Variants in FGF12 observed in about 807,000 individuals in gnomAD.
FGF12 encodes fibroblast growth factor 12, also known as fibroblast growth factor 12B.
In FGF12, 14 loss-of-function variants were observed where a neutral mutation model predicts 23.6. The observed-to-expected ratio is 0.59, with a 90% confidence interval of 0.39 to 0.93. FGF12 has a LOEUF of 0.93. Ranked by LOEUF, FGF12 falls within the 40% of genes least tolerant of loss-of-function variation. The pLI, the probability that FGF12 is intolerant of heterozygous loss-of-function variation, is 0.00. For synonymous variants in FGF12, 62 were observed against 77.3 expected (o/e 0.80, Z 1.04); for missense variants, 175 against 217.8 (o/e 0.80, Z 1.24).
chr3:192,407,972 G>A lies in FGF12; in HGVS notation c.14-47434C>T. The A allele has an allele frequency of 2.0e-6, 3 of 1,520,450 alleles. No individual in the cohort carries two copies. The East Asian group carries it at 6.9e-5, about 35-fold the overall frequency. 94.2% of individuals were successfully genotyped at this position (1,520,450 alleles called of 1,614,324 possible). ...CGGGGGTCCCGAGGTGCTTTGAGGA[G>A]GGAGAAAGAGGGCGTCCCCTCTGGG... On this transcript the variant is annotated intron_variant, in intron 2 of 5. Coordinates refer to ENST00000445105, the MANE Select transcript of FGF12 (RefSeq NM_004113.6).
At chr3:192,574,428 C>A (rs568863980) in intron 2 of FGF12, among the ~76,000 whole-genome samples, 1 of 152,256 alleles carries the variant, frequency 6.6e-6, no homozygotes, top group Admixed American at 6.5e-5. Context: ...GCTTCTGACC[C>A]TTTACCATAT....
At chr3:192,707,085 T>C (rs1718495589) in intron 2 of FGF12, among the ~76,000 whole-genome samples, 1 of 152,206 alleles carries the variant, frequency 6.6e-6, no homozygotes, top group South Asian at 2.1e-4. Flanking sequence ...CAGTTTCCGC[T>C]TTTGAGTTGA....
At chr3:192,207,033 A>C (rs925550183) in intron 4 of FGF12, among the ~76,000 whole-genome samples, 1 of 152,152 alleles carries the variant, frequency 6.6e-6, no homozygotes, top group African/African-American at 2.4e-5. Flanking sequence ...GAAAGATATT[A>C]TATTGGGAAA....
intron 2 of FGF12, among the ~76,000 whole-genome samples, chr3:192,690,586 C>CAAAAAAAAAAAAAAAA (rs35837229): frequency 1.1e-5 from 1 of 92,118 alleles, no homozygotes; most frequent in Non-Finnish European, 2.2e-5. Context: ...CACAACACTA[C>CAAAAAAAAAAAAAAAA]AAAAAAAAAA....
intron 4 of FGF12, among the ~76,000 whole-genome samples, chr3:192,253,008 A>G (rs1712140425): frequency 6.6e-6 from 1 of 152,168 alleles, no homozygotes; most frequent in South Asian, 2.1e-4. Context: ...TATCCTTGAA[A>G]ATGGATTTAT....
intron 2 of FGF12, among the ~76,000 whole-genome samples, chr3:192,677,589 T>C (rs78499355): frequency 0.074 from 11,203 of 152,272 alleles, 552 homozygotes; most frequent in Non-Finnish European, 0.11. Flanking sequence ...CTCCAAAGAA[T>C]AGAAACTCTA....
chr3:192,432,561 G>C (rs114474480), intron 2 of FGF12, among the ~76,000 whole-genome samples: 1 of 149,986 alleles, frequency 6.7e-6, no homozygotes, highest in Non-Finnish European at 1.5e-5. Flanking sequence ...TGAACCGCCT[G>C]TGGGAAGGGC....
At chr3:192,410,819 T>A (rs1432814977) in intron 2 of FGF12, among the ~76,000 whole-genome samples, 1 of 152,032 alleles carries the variant, frequency 6.6e-6, no homozygotes, top group Admixed American at 6.6e-5. Flanking sequence ...CAATCAGGTC[T>A]CCAGACGTGA....
intron 2 of FGF12, among the ~76,000 whole-genome samples, chr3:192,603,518 A>G (rs1714204744): frequency 2.0e-5 from 3 of 152,130 alleles, no homozygotes; most frequent in Non-Finnish European, 4.4e-5. Context: ...TCTATTTTCC[A>G]TAAGTGTTGG....
At chr3:192,646,525 G>A in intron 2 of FGF12, among the ~76,000 whole-genome samples, 1 of 152,130 alleles carries the variant, frequency 6.6e-6, no homozygotes, top group East Asian at 1.9e-4. Flanking sequence ...AGAGAATACT[G>A]TTTAGGTATG....
intron 2 of FGF12, among the ~76,000 whole-genome samples, chr3:192,558,337 T>A (rs1019625227): frequency 6.6e-6 from 1 of 151,670 alleles, no homozygotes; most frequent in Non-Finnish European, 1.5e-5. Flanking sequence ...TACAATAGCA[T>A]CAAAAATAAT....
intron 2 of FGF12, among the ~76,000 whole-genome samples, chr3:192,561,109 GA>G (rs1008751636): frequency 2.2e-4 from 33 of 152,040 alleles, no homozygotes; most frequent in African/African-American, 7.5e-4. Context: ...ATCTATAAGG[GA>G]AAGGGGAAGC....
At chr3:192,265,776 G>A (rs1713041330) in intron 4 of FGF12, among the ~76,000 whole-genome samples, 1 of 152,012 alleles carries the variant, frequency 6.6e-6, no homozygotes, top group Non-Finnish European at 1.5e-5. Flanking sequence ...AGTGTAAAAA[G>A]CCTACAATAT....
In FGF12 at chr3:192,474,885, C is replaced by CA. The variant is rs769330773; in HGVS notation, c.14-114348dup. 4.2e-3 allele frequency among the ~76,000 whole-genome samples: 268 copies of CA among 64,178 alleles called. 1 individual carries two copies. Among genetic ancestry groups the CA allele is most frequent in the Middle Eastern group, 0.023 (3 of 130 alleles). The allele number at this position is 64,178 out of a possible 152,430, so 42.1% of individuals were successfully genotyped here. A position where few individuals can be genotyped will look rare whatever the true frequency, so the allele number is the denominator to read the frequency against. Reference sequence around the variant, plus strand: ...GGGAAACAAGAGTGAAACTTCATCTCAAAAAAAAAAAAAAAGAAAGAAAGG... The same window carrying CA: ...GGGAAACAAGAGTGAAACTTCATCTCAAAAAAAAAAAAAAAAGAAAGAAAGG... On this transcript the variant is annotated intron_variant, in intron 2 of 5. Transcript: ENST00000445105.
At chr3:192,197,747 C>A (rs1396790685) in intron 4 of FGF12, among the ~76,000 whole-genome samples, 1 of 152,024 alleles carries the variant, frequency 6.6e-6, no homozygotes, top group Non-Finnish European at 1.5e-5. Flanking sequence ...GAGTTTGAGA[C>A]CAGCCTGACC....
At chr3:192,623,225 C>T (rs998834081) in intron 2 of FGF12, among the ~76,000 whole-genome samples, 1 of 152,152 alleles carries the variant, frequency 6.6e-6, no homozygotes, top group Non-Finnish European at 1.5e-5. Flanking sequence ...GAAGTCAGTA[C>T]CAAATGGACT....
At chr3:192,170,340 A>C in intron 5 of FGF12, 118 bp downstream of exon 5, 1 of 756,970 alleles carries the variant, frequency 1.3e-6, no homozygotes, top group Non-Finnish European at 2.2e-6. Context: ...ATTTCTTTTG[A>C]ATCTTTCTTC....
At chr3:192,240,846 AT>A (rs1333737592) in intron 4 of FGF12, among the ~76,000 whole-genome samples, 1 of 152,106 alleles carries the variant, frequency 6.6e-6, no homozygotes, top group Non-Finnish European at 1.5e-5. Context: ...CAAAGCCTCT[AT>A]TTTTTCTTAA....
chr3:192,521,362 A>G (rs1724807652), intron 2 of FGF12: 1 of 152,214 alleles, frequency 6.6e-6, no homozygotes, highest in Non-Finnish European at 1.5e-5. Context: ...GTTGTCTTGA[A>G]TAAACACGAG....
Sources: gnomAD v4.1 joint callset for allele counts (sites outside exome capture counted in the v4.1 genomes callset) on GRCh38, gnomAD v4.1.1 for gene constraint, MANE v1.5 for transcripts, NCBI Gene and HGNC (gene_info 2026-07-23, HGNC 2026-07-21) for gene names.